Variants in ZNF609 observed in about 807,000 individuals in gnomAD.
ZNF609 encodes zinc finger protein 609.
A neutral mutation model predicts 109.5 loss-of-function variants in ZNF609; 11 were observed. The ratio of observed to expected loss-of-function variants is 0.10; its 90% confidence interval spans 0.06 to 0.17. The LOEUF (loss-of-function observed/expected upper bound fraction) is 0.17. Ranked by LOEUF, ZNF609 falls within the 10% of genes least tolerant of loss-of-function variation. The pLI is 1.00. For synonymous variants in ZNF609, 646 were observed against 662.0 expected (o/e 0.98, Z 0.37); for missense variants, 1,559 against 1,772.4 (o/e 0.88, Z 2.16).
chr15:64,606,259 C>T (rs537522325), intron 2 of ZNF609, among the ~76,000 whole-genome samples: 14 of 151,632 alleles, frequency 9.2e-5, no homozygotes, highest in African/African-American at 3.4e-4. Context: ...GGACCCGCCA[C>T]CATGCCTGGC....
chr15:64,615,097 G>A (rs1216780085), intron 2 of ZNF609, among the ~76,000 whole-genome samples: 5 of 152,196 alleles, frequency 3.3e-5, no homozygotes, highest in African/African-American at 9.6e-5. Context: ...GATTACAGGC[G>A]TGAGCCACCA....
intron 1 of ZNF609, among the ~76,000 whole-genome samples, chr15:64,473,425 C>G (rs1334916583): frequency 1.3e-5 from 2 of 151,762 alleles, no homozygotes; most frequent in African/African-American, 2.4e-5. Flanking sequence ...TCTCGAACTG[C>G]TGACCTCGTG....
At chr15:64,648,501 A>G (rs542114244) in intron 3 of ZNF609, among the ~76,000 whole-genome samples, 1 of 152,228 alleles carries the variant, frequency 6.6e-6, no homozygotes, top group African/African-American at 2.4e-5. Context: ...CAAACAAAAC[A>G]AACCATACAG....
chr15:64,681,002 A>G (rs1453771215), intron 8 of ZNF609, 140 bp downstream of exon 8: 124 of 931,754 alleles, frequency 1.3e-4, no homozygotes, highest in Non-Finnish European at 7.9e-6. Flanking sequence ...TTGAGCTTCT[A>G]ATCTGTGCAC....
intron 2 of ZNF609, among the ~76,000 whole-genome samples, chr15:64,578,093 A>G (rs138743777): frequency 3.9e-4 from 59 of 152,188 alleles, no homozygotes; most frequent in African/African-American, 1.3e-3. Flanking sequence ...GGAAAAAAAC[A>G]TAAAGGAAAA....
intron 1 of ZNF609, among the ~76,000 whole-genome samples, chr15:64,486,344 T>G (rs1893332874): frequency 6.6e-6 from 1 of 151,980 alleles, no homozygotes; most frequent in Non-Finnish European, 1.5e-5. Flanking sequence ...CCCAACATAG[T>G]GAAACCCCGT....
At chr15:64,642,045 T>C (rs1470479962) in intron 3 of ZNF609, among the ~76,000 whole-genome samples, 1 of 152,176 alleles carries the variant, frequency 6.6e-6, no homozygotes, top group African/African-American at 2.4e-5. Context: ...CCTAGAGATG[T>C]TGCTGTTAAT....
chr15:64,544,985 G>A lies in ZNF609; in HGVS notation c.747+44819G>A, dbSNP rs563583213. 1.2e-3 allele frequency among the ~76,000 whole-genome samples: 190 copies of A among 152,312 alleles called. 1 individual carries two copies. Among genetic ancestry groups the A allele is most frequent in the South Asian group, 4.4e-3 (21 of 4,822 alleles). ...ATGGTTTCCCTATTATGAGAAAACT[G>A]TGTACCTGTCATTTCTGCCATTCTG... On this transcript the variant is annotated intron_variant, in intron 2 of 9. Transcript: ENST00000326648.
intron 3 of ZNF609, among the ~76,000 whole-genome samples, chr15:64,626,519 G>A (rs1252412385): frequency 6.6e-6 from 1 of 152,002 alleles, no homozygotes; most frequent in Non-Finnish European, 1.5e-5. Flanking sequence ...AAACTACACT[G>A]TCTTCAAACA....
Position 64,610,914 on chromosome 15 carries a change from C to T in ZNF609, c.748-11913C>T, listed in dbSNP as rs116859825. ...CCGGCCTAGGAATCGCTGTTTAAGA[C>T]TTCTGACATCGTGATTATTAAGATT... is the stretch of plus-strand genomic sequence containing the variant. On this transcript the variant is annotated intron_variant, in intron 2 of 9. Transcript: ENST00000326648. Among the ~76,000 whole-genome samples the T allele has an allele frequency of 4.1e-3, 620 of 152,236 alleles. 2 individuals are homozygous for T. Among genetic ancestry groups the T allele is most frequent in the Non-Finnish European group, 7.1e-3 (483 of 68,018 alleles).
At chr15:64,528,678 A>T in intron 2 of ZNF609, 2 of 1,168,904 alleles carry the variant, frequency 1.7e-6, no homozygotes, top group Non-Finnish European at 2.5e-6. Context: ...TACTCCTTGG[A>T]GGCATTGTGG....
chr15:64,678,224 A>G lies in ZNF609; in HGVS notation c.3511A>G (p.Arg1171Gly), dbSNP rs1896833817. ...EERDRKLKEE[R>G]SRSKDSVPKE... ...GCGGGACCGCAAATTGAAGGAGGAA[A>G]GGAGTCGGAGTAAGGACTCTGTCCC... The change falls in exon 6 of 10, where the codon AGG becomes GGG. Residue 1171 changes from arginine (R) to glycine (G), a missense_variant. This residue lies in a region of ZNF609 where 1,204 missense variants were observed against 1,314.1 expected (regional missense o/e 0.92). Coordinates refer to ENST00000326648, the MANE Select transcript of ZNF609 (RefSeq NM_015042.2). 5 of 1,614,152 alleles carry G rather than the reference A, an allele frequency of 3.1e-6. No individual in the cohort carries two copies. Among genetic ancestry groups the G allele is most frequent in the Non-Finnish European group, 4.2e-6 (5 of 1,180,024 alleles).
At chr15:64,671,720 T>A (rs1896733973) in intron 4 of ZNF609, among the ~76,000 whole-genome samples, 1 of 152,212 alleles carries the variant, frequency 6.6e-6, no homozygotes, top group African/African-American at 2.4e-5. Context: ...CCTAGGAGCT[T>A]ACCAATTAAT....
intron 3 of ZNF609, among the ~76,000 whole-genome samples, chr15:64,637,053 C>A (rs1307436961): frequency 1.3e-5 from 2 of 152,144 alleles, no homozygotes; most frequent in East Asian, 3.8e-4. Context: ...TCATGCCTCC[C>A]TTCTAATAGC....
intron 2 of ZNF609, among the ~76,000 whole-genome samples, chr15:64,528,158 C>T (rs1023374907): frequency 3.0e-4 from 45 of 150,836 alleles, no homozygotes; most frequent in African/African-American, 1.0e-3. Context: ...AGTGCAGTGA[C>T]GCGATCTCGG....
chr15:64,468,447 T>A (rs944241828), intron 1 of ZNF609, among the ~76,000 whole-genome samples: 4 of 152,032 alleles, frequency 2.6e-5, no homozygotes, highest in Admixed American at 6.5e-5. Flanking sequence ...TTTTTTTGTT[T>A]CGCTGCATTG....
chr15:64,648,441 A>G (rs1479757366), intron 3 of ZNF609, among the ~76,000 whole-genome samples: 1 of 152,130 alleles, frequency 6.6e-6, no homozygotes, highest in African/African-American at 2.4e-5. Flanking sequence ...GCAGTGAGTT[A>G]TGATCATGCC....
intron 1 of ZNF609, among the ~76,000 whole-genome samples, chr15:64,477,717 C>T (rs755446759): frequency 5.3e-5 from 8 of 151,092 alleles, no homozygotes; most frequent in Non-Finnish European, 1.2e-4. Flanking sequence ...CAACATCTAA[C>T]TCCCAGGTTC....
chr15:64,629,739 G>C (rs1896035488), intron 3 of ZNF609, among the ~76,000 whole-genome samples: 1 of 152,042 alleles, frequency 6.6e-6, no homozygotes, highest in Admixed American at 6.6e-5. Context: ...ACAAAATAGG[G>C]GCTCTTACTA....
Sources: allele counts gnomAD v4.1 joint callset (sites outside exome capture counted in the v4.1 genomes callset), GRCh38; gene constraint gnomAD v4.1.1; regional missense constraint gnomAD v4.1.1; transcripts MANE v1.5; gene names NCBI Gene and HGNC (gene_info 2026-07-23, HGNC 2026-07-21).